The following SERPINA1 variants were observed in gnomAD, a reference collection of about 807,000 sequenced individuals.
SERPINA1 encodes serpin family A member 1, also known as alpha-1-antitrypsin.
Under a neutral mutation model 25.4 loss-of-function variants are expected in SERPINA1, and 21 were observed. That is an observed-to-expected ratio of 0.83 (90% CI 0.59 to 1.19). The LOEUF is 1.19. Ranked by LOEUF, SERPINA1 falls within the 50% of genes most tolerant of loss-of-function variation. The pLI is 0.00. For missense variants in SERPINA1, 546 were observed against 509.0 expected, an observed-to-expected ratio of 1.07 and a Z score of -0.70; for synonymous variants, 218 against 211.1, an observed-to-expected ratio of 1.03 and a Z score of -0.29.
chr14:94,383,074 G>A lies in SERPINA1; in HGVS notation c.164C>T (p.Ala55Val). The A allele has an allele frequency of 2.5e-6, 4 of 1,614,216 alleles. No individual in the cohort carries two copies. The highest frequency in any genetic ancestry group is 4.5e-5 in the East Asian group (2 of 44,886). ...GCGGTATAGGCTGAAGGCGAACTCA[G>A]CCAGGTTGGGGGTGATCTTGTTGAA... ...PTFNKITPNL[A>V]EFAFSLYRQL... The change falls in exon 2 of 5, where the codon GCT (alanine) becomes GTT (valine). Residue 55 changes from alanine to valine, a missense_variant. Transcript: ENST00000393087.
chr14:94,387,336 G>A (rs543759359), intron 1 of SERPINA1, among the ~76,000 whole-genome samples: 1 of 152,358 alleles, frequency 6.6e-6, no homozygotes, highest in Non-Finnish European at 1.5e-5. Flanking sequence ...AAAATGCCAA[G>A]AAGTGCCTGC....
At chr14:94,379,896 G>A (rs1368294749) in intron 3 of SERPINA1, among the ~76,000 whole-genome samples, 1 of 152,258 alleles carries the variant, frequency 6.6e-6, no homozygotes, top group Non-Finnish European at 1.5e-5. Context: ...GTAGTGTTGG[G>A]TCACCTGGCC....
rs1291036417 is a variant in SERPINA1 at position 94,378,570 on chromosome 14, G to A, written c.1136C>T (p.Ala379Val). Residue 379 changes from alanine to valine, a missense_variant, in exon 5 of 5, where the codon GCC becomes GTC. Ala to Val is a moderately conservative substitution (Grantham distance 64). Coordinates refer to ENST00000393087, the MANE Select transcript of SERPINA1 (RefSeq NM_000295.5). ...TEAAGAMFLE[A>V]IPMSIPPEVK... ...CTCGGGGGGGATAGACATGGGTATG[G>A]CCTCTAAAAACATGGCCCCAGCAGC... The A allele has an allele frequency of 1.2e-6, 2 of 1,613,912 alleles. No individual in the cohort carries two copies. The highest frequency in any genetic ancestry group is 1.7e-6 in the Non-Finnish European group (2 of 1,179,984).
At chr14:94,388,377 A>G (rs1027457184) in intron 1 of SERPINA1, among the ~76,000 whole-genome samples, 183 bp downstream of exon 1, 1 of 152,112 alleles carries the variant, frequency 6.6e-6, no homozygotes, top group African/African-American at 2.4e-5. Context: ...AACAGGACAC[A>G]ACCCTCATGG....
upstream of SERPINA1, chr14:94,390,338 C>T (rs1184704122): frequency 1.3e-5 from 2 of 152,668 alleles, no homozygotes; most frequent in East Asian, 3.8e-4. Context: ...TCGGTAGCTC[C>T]TGGGCATTTC....
chr14:94,388,105 T>A (rs1897401712), intron 1 of SERPINA1, among the ~76,000 whole-genome samples: 1 of 152,016 alleles, frequency 6.6e-6, no homozygotes, highest in South Asian at 2.1e-4. Flanking sequence ...TCCTCATCTA[T>A]AGAAGGGGAG....
intron 4 of SERPINA1, 29 bp downstream of exon 4, chr14:94,379,435 G>C: frequency 6.2e-7 from 1 of 1,613,700 alleles, no homozygotes; most frequent in East Asian, 2.2e-5. Flanking sequence ...AGATACCAGG[G>C]TGCAACAAGG....
intron 1 of SERPINA1, among the ~76,000 whole-genome samples, chr14:94,388,251 G>C (rs1367998614): frequency 6.6e-6 from 1 of 152,102 alleles, no homozygotes; most frequent in Non-Finnish European, 1.5e-5. Context: ...ATCTTGGCTG[G>C]TGTCCCCCAT....
rs376294932 is a variant in SERPINA1, at chr14:94,381,017, C to G, written c.771G>C (p.Lys257Asn). 1 of 1,614,130 alleles carries G rather than the reference C, an allele frequency of 6.2e-7. No individual in the cohort carries two copies. Among genetic ancestry groups the G allele is most frequent in the Non-Finnish European group, 8.5e-7 (1 of 1,180,034 alleles). ...RLGMFNIQHC[K>N]KLSSWVLLMK... The stretch of plus-strand genomic sequence containing the variant: ...TCAGCAGCACCCAGCTGGACAGCTT[C>G]TTACAGTGCTGGATGTTAAACATGC... The change falls in exon 3 of 5, where the codon AAG becomes AAC. Residue 257 changes from lysine to asparagine, a missense_variant. Lys to Asn is a moderately conservative substitution (Grantham distance 94). Coordinates refer to ENST00000393087, the MANE Select transcript of SERPINA1 (RefSeq NM_000295.5).
intron 3 of SERPINA1, among the ~76,000 whole-genome samples, chr14:94,380,403 G>A (rs1336948497): frequency 6.6e-6 from 1 of 152,208 alleles, no homozygotes; most frequent in Non-Finnish European, 1.5e-5. Context: ...TGCGAACATG[G>A]CCTGGCTGTT....
At chr14:94,383,283 A>G (rs1897093523) in intron 1 of SERPINA1, 42 bp from the exon 2 acceptor site, 7 of 1,589,088 alleles carry the variant, frequency 4.4e-6, no homozygotes, top group Non-Finnish European at 6.0e-6. Flanking sequence ...GAGTCAAGGC[A>G]CATGATGACT....
chr14:94,380,458 T>TC (rs1014037495), intron 3 of SERPINA1, among the ~76,000 whole-genome samples: 2 of 152,192 alleles, frequency 1.3e-5, no homozygotes. Context: ...CACAGGCTCT[T>TC]CCCCCGTCCC....
At chr14:94,387,129 A>G (rs377757949) in intron 1 of SERPINA1, among the ~76,000 whole-genome samples, 1 of 152,246 alleles carries the variant, frequency 6.6e-6, no homozygotes, top group Non-Finnish European at 1.5e-5. Context: ...AGAAAACTTC[A>G]GAGGCAGCCT....
chr14:94,378,315 G>A lies in SERPINA1; in HGVS notation c.*134C>T. 2.5e-6 allele frequency: 2 copies of A among 785,822 alleles called. No homozygotes were observed. Among genetic ancestry groups the A allele is most frequent in the South Asian group, 3.3e-5 (2 of 61,246 alleles). The allele number at this position is 785,822 out of a possible 1,614,324, so 48.7% of individuals were successfully genotyped here. On this transcript the variant is annotated 3_prime_UTR_variant, in exon 5 of 5. Transcript: ENST00000393087. ...CTGGAGCCCACATACAGCCTCAGCA[G>A]GCAAAGGGAGACTCAGAGAAAACAT...
chr14:94,388,349 G>A (rs575988581), intron 1 of SERPINA1, among the ~76,000 whole-genome samples: 16 of 152,218 alleles, frequency 1.1e-4, no homozygotes, highest in African/African-American at 3.6e-4. Context: ...ACCGAGGGGG[G>A]ACCGGGCAGG....
At chr14:94,383,485 C>T (rs533474437) in intron 1 of SERPINA1, 22 of 573,530 alleles carry the variant, frequency 3.8e-5, no homozygotes, top group African/African-American at 3.0e-4. Flanking sequence ...GTAACAATCC[C>T]GTGAGGTGCT....
At chr14:94,382,447 TTGTG>T in intron 2 of SERPINA1, 141 bp downstream of exon 2, 1 of 883,292 alleles carries the variant, frequency 1.1e-6, no homozygotes, top group Non-Finnish European at 1.8e-6. Context: ...ATTTTAGTGT[TTGTG>T]TGTAGAAAAC....
chr14:94,390,074 C>G (rs1041147677), upstream of SERPINA1: 11 of 152,272 alleles, frequency 7.2e-5, no homozygotes, highest in African/African-American at 2.4e-4. Context: ...GTGGGGTGGG[C>G]CACACTTGAA....
Position 94,388,559 on chromosome 14 carries a change from C to G in SERPINA1, c.-5+1G>C, listed in dbSNP as rs775786225. ...CCTCTCGCAGTGAAAGGCATACTTACGATTCACTGTCCCAGGTCAGTGGTG... is the reference window on the plus strand; with the variant it reads ...CCTCTCGCAGTGAAAGGCATACTTAGGATTCACTGTCCCAGGTCAGTGGTG... On this transcript the variant is annotated splice_donor_variant, in intron 1 of 4. Coordinates refer to ENST00000393087, the MANE Select transcript of SERPINA1 (RefSeq NM_000295.5). LOFTEE classifies it low-confidence loss of function (5UTR_SPLICE). 6.6e-6 allele frequency: 1 copy of G among 152,302 alleles called. No homozygotes were observed. The highest frequency in any genetic ancestry group is 2.4e-5 in the African/African-American group (1 of 41,440). The allele number at this position is 152,302 out of a possible 1,614,324, so 9.4% of individuals were successfully genotyped here.
Sources: allele counts gnomAD v4.1 joint callset (sites outside exome capture counted in the v4.1 genomes callset), GRCh38; gene constraint gnomAD v4.1.1; transcripts MANE v1.5; gene names NCBI Gene and HGNC (gene_info 2026-07-23, HGNC 2026-07-21).